The following ITGB1BP1 variants were observed in gnomAD, a reference collection of about 807,000 sequenced individuals.
The protein encoded by ITGB1BP1 is integrin beta-1-binding protein 1.
Under a neutral mutation model 28.0 loss-of-function variants are expected in ITGB1BP1, and 20 were observed. That is an observed-to-expected ratio of 0.71 (90% CI 0.50 to 1.04). The LOEUF (loss-of-function observed/expected upper bound fraction) is 1.04. Among genes scored for constraint, ITGB1BP1 ranks in the 50% least tolerant of loss-of-function variants. The pLI, the probability that ITGB1BP1 is intolerant of heterozygous loss-of-function variation, is 0.00. For synonymous variants in ITGB1BP1, 103 were observed against 89.5 expected (o/e 1.15, Z -0.85); for missense variants, 228 against 242.5 (o/e 0.94, Z 0.40).
intron 1 of ITGB1BP1, chr2:9,422,911 G>A (rs1680072742): frequency 2.0e-6 from 2 of 985,942 alleles, no homozygotes; most frequent in South Asian, 9.3e-5. Flanking sequence ...GCCAAGCTCG[G>A]GGCCTAGGGA....
chr2:9,421,071 G>A (rs1474901887), intron 1 of ITGB1BP1, among the ~76,000 whole-genome samples: 2 of 152,076 alleles, frequency 1.3e-5, no homozygotes, highest in African/African-American at 4.8e-5. Context: ...TGGCGCTCAC[G>A]GGTTAAAATG....
At chr2:9,420,539 G>A (rs770107974) in intron 1 of ITGB1BP1, among the ~76,000 whole-genome samples, 7 of 152,302 alleles carry the variant, frequency 4.6e-5, no homozygotes, top group African/African-American at 9.6e-5. Flanking sequence ...TGGAAGGAAG[G>A]GGTGGGTATT....
At chr2:9,407,904 G>A (rs1225495884) in intron 5 of ITGB1BP1, 3 of 566,992 alleles carry the variant, frequency 5.3e-6, no homozygotes, top group South Asian at 4.7e-5. Context: ...GGGTGGGGGG[G>A]GCAGGTTGCA....
intron 1 of ITGB1BP1, chr2:9,420,072 G>C: frequency 2.0e-6 from 2 of 983,668 alleles, no homozygotes; most frequent in Non-Finnish European, 2.4e-6. Flanking sequence ...ATTCTGACCT[G>C]GGTGATGCTT....
rs939750358 is a variant in ITGB1BP1 at position 9,405,520 on chromosome 2, T to C, written c.*1314A>G. 6.6e-6 allele frequency: 1 copy of C among 152,640 alleles called. No homozygotes were observed. The highest frequency in any genetic ancestry group is 1.5e-5 in the Non-Finnish European group (1 of 68,044). The allele number at this position is 152,640 out of a possible 1,614,324, so 9.5% of individuals were successfully genotyped here. On this transcript the variant is annotated 3_prime_UTR_variant, in exon 7 of 7. Coordinates refer to ENST00000355346, the MANE Select transcript of ITGB1BP1 (RefSeq NM_004763.5). Reference sequence around the variant, plus strand: ...TATGATATTCAGTTCATTCACCTGATTACTTTGGTTGCAGCACAACTGTAT... The same window carrying C: ...TATGATATTCAGTTCATTCACCTGACTACTTTGGTTGCAGCACAACTGTAT...
chr2:9,423,262 C>A lies in ITGB1BP1; in HGVS notation c.-36+111G>T, dbSNP rs1680130269. ...CGAGCCCAGGCATCCCTCCTCCGCC[C>A]GCCCCGCGGCCCCACCCATCCTTCC... On this transcript the variant is annotated intron_variant, in intron 1 of 6. Transcript: ENST00000355346. 1.1e-5 allele frequency: 13 copies of A among 1,171,552 alleles called. No homozygotes were observed. The South Asian group carries it at 1.4e-4, about 12-fold the overall frequency. 72.6% of individuals were successfully genotyped at this position (1,171,552 alleles called of 1,614,324 possible).
At position 9,418,629 on chromosome 2, in the gene ITGB1BP1, G is replaced by T; in HGVS notation, c.69C>A (p.Ser23Arg). The change falls in exon 2 of 7, where the codon AGC becomes AGA. Residue 23 changes from serine to arginine, a missense_variant. This residue lies in a region of ITGB1BP1 where 36 missense variants were observed against 61.0 expected (regional missense o/e 0.59). Coordinates refer to ENST00000355346, the MANE Select transcript of ITGB1BP1 (RefSeq NM_004763.5). Reference protein sequence around the residue: ...SSQSSEISTKSKSVDSSLGGL... With the variant: ...SSQSSEISTKRKSVDSSLGGL... ...GTTCCAAATTCCATTTCCCTACCTT[G>T]CTCTTAGTACTGATTTCGCTACTTT... is the stretch of plus-strand genomic sequence containing the variant. The T allele has an allele frequency of 6.2e-7, 1 of 1,602,630 alleles. No individual in the cohort carries two copies. The highest frequency in any genetic ancestry group is 8.5e-7 in the Non-Finnish European group (1 of 1,169,638).
rs1444652177 is a variant in ITGB1BP1, at chr2:9,423,354, A to G, written c.-36+19T>C. The G allele has an allele frequency of 1.8e-5, 21 of 1,197,136 alleles. No homozygotes were observed. Among genetic ancestry groups the G allele is most frequent in the Middle Eastern group, 3.5e-4 (1 of 2,820 alleles). 74.2% of individuals were successfully genotyped at this position (1,197,136 alleles called of 1,614,324 possible). On this transcript the variant is annotated intron_variant, in intron 1 of 6. Coordinates refer to ENST00000355346, the MANE Select transcript of ITGB1BP1 (RefSeq NM_004763.5). ...CTCCGCGAGCTCGGCCCCAAGCGGG[A>G]CGAGGGCTGGGCGCTCACCTCGCAG...
At chr2:9,414,389 T>C (rs1327537489) in intron 2 of ITGB1BP1, 133 bp from the exon 3 acceptor site, 1 of 614,038 alleles carries the variant, frequency 1.6e-6, no homozygotes, top group African/African-American at 1.8e-5. Context: ...TTCAGGCATA[T>C]CGACTGTGCA....
chr2:9,423,205 C>T lies in ITGB1BP1; in HGVS notation c.-36+168G>A, dbSNP rs570253925. 5.0e-3 allele frequency: 5,401 copies of T among 1,079,930 alleles called. 14 individuals carry two copies. Among genetic ancestry groups the T allele is most frequent in the Middle Eastern group, 8.3e-3 (18 of 2,172 alleles). The allele number at this position is 1,079,930 out of a possible 1,614,324, so 66.9% of individuals were successfully genotyped here. On this transcript the variant is annotated intron_variant, in intron 1 of 6. Coordinates refer to ENST00000355346, the MANE Select transcript of ITGB1BP1 (RefSeq NM_004763.5). ...TGGTTCCAAGCTCCTCCACCCGCGC[C>T]CCGGGAGCGCGGCCCCGCCCGGAAC...
In ITGB1BP1 at chr2:9,407,541, C is replaced by G. The variant is rs531717039; in HGVS notation, c.439G>C (p.Gly147Arg). The G allele has an allele frequency of 2.5e-6, 4 of 1,614,124 alleles. No homozygotes were observed. The highest frequency in any genetic ancestry group is 2.5e-6 in the Non-Finnish European group (3 of 1,180,022). The change falls in exon 6 of 7, where the codon GGT (glycine) becomes CGT (arginine). Residue 147 changes from glycine (G) to arginine (R), a missense_variant. Physicochemically the swap from Gly to Arg is moderately radical, Grantham distance 125 (BLOSUM62 -2). Around this residue, in one of 2 missense-constraint regions of ITGB1BP1, gnomAD observed 192 missense variants for 181.6 expected, o/e 1.06. Transcript: ENST00000355346. The part of the protein sequence containing the change: ...LIIRMVCYDD[G>R]LGAGKSLLAL... ...AGTAAGCTTTTTCCCGCCCCCAGAC[C>G]GTCATCGTAACACACCATCCGGATT...
At chr2:9,412,446 T>G in intron 3 of ITGB1BP1, 41 bp from the exon 4 acceptor site, 2 of 1,547,824 alleles carry the variant, frequency 1.3e-6, no homozygotes, top group Non-Finnish European at 1.8e-6. Context: ...AGAAGAAATA[T>G]CTGCATTACA....
chr2:9,407,869 C>T, intron 5 of ITGB1BP1: 1 of 561,120 alleles, frequency 1.8e-6, no homozygotes, highest in Non-Finnish European at 3.1e-6. Context: ...GTTGAAAATG[C>T]ATTCGGAGCC....
In ITGB1BP1 at chr2:9,405,716, T is replaced by C. The variant is rs1677181154; in HGVS notation, c.*1118A>G. ...TTTAATGTTTTTAATCTTTAAAGTT[T>C]TGTATATTGACAGTCCTTTAAAAAA... On this transcript the variant is annotated 3_prime_UTR_variant, in exon 7 of 7. Transcript: ENST00000355346. The C allele has an allele frequency of 6.6e-6, 1 of 152,318 alleles. No individual in the cohort carries two copies. Among genetic ancestry groups the C allele is most frequent in the Non-Finnish European group, 1.5e-5 (1 of 68,046 alleles). The allele number at this position is 152,318 out of a possible 1,614,324, so 9.4% of individuals were successfully genotyped here.
chr2:9,411,908 G>A (rs949591202), intron 4 of ITGB1BP1, among the ~76,000 whole-genome samples: 2 of 149,328 alleles, frequency 1.3e-5, no homozygotes, highest in Non-Finnish European at 3.0e-5. Flanking sequence ...CGGGCATGGT[G>A]GCGGGCGCCT....
In ITGB1BP1 at chr2:9,412,358, A is replaced by G; in HGVS notation, c.199T>C (p.Tyr67His). The G allele has an allele frequency of 2.5e-6, 4 of 1,612,468 alleles. No individual in the cohort carries two copies. The highest frequency in any genetic ancestry group is 3.4e-6 in the Non-Finnish European group (4 of 1,179,158). Residue 67 changes from tyrosine to histidine, a missense_variant, in exon 4 of 7, where the codon TAT becomes CAT. Tyr to His is a moderately conservative substitution (Grantham distance 83, BLOSUM62 2). Transcript: ENST00000355346. Reference sequence around the variant, plus strand: ...TTCAGTTTCTCAATGGCACCAACATATTTTATTCGAAATTCTGCACAGGTA... The same window carrying G: ...TTCAGTTTCTCAATGGCACCAACATGTTTTATTCGAAATTCTGCACAGGTA... ...SDTCAEFRIK[Y>H]VGAIEKLKLS...
intron 4 of ITGB1BP1, 106 bp downstream of exon 4, chr2:9,412,163 C>T (rs557993964): frequency 5.0e-5 from 46 of 924,096 alleles, no homozygotes; most frequent in South Asian, 3.1e-4. Context: ...CGAGAGCAAG[C>T]GGAGCGGCAC....
chr2:9,423,207 CG>C (rs1680119241), intron 1 of ITGB1BP1, 165 bp downstream of exon 1: 44 of 1,079,752 alleles, frequency 4.1e-5, no homozygotes, highest in Non-Finnish European at 5.0e-5. Context: ...ACCCGCGCCC[CG>C]GGAGCGCGGC....
rs1182612070 is a variant in ITGB1BP1 at position 9,405,466 on chromosome 2, T to C, written c.*1368A>G. On this transcript the variant is annotated 3_prime_UTR_variant, in exon 7 of 7. Transcript: ENST00000355346. ...ATCTGTTAAGGGGTGGATAACATAA[T>C]ATGCAGCTTAGGATGCTATTTTGAG... is the stretch of plus-strand genomic sequence containing the variant. 6.6e-6 allele frequency: 1 copy of C among 152,646 alleles called. No homozygotes were observed. Among genetic ancestry groups the C allele is most frequent in the Non-Finnish European group, 1.5e-5 (1 of 68,040 alleles). 9.5% of individuals were successfully genotyped at this position (152,646 alleles called of 1,614,324 possible).
Sources: gnomAD v4.1 joint callset for allele counts (sites outside exome capture counted in the v4.1 genomes callset) on GRCh38, gnomAD v4.1.1 for gene constraint, gnomAD v4.1.1 regional missense constraint, MANE v1.5 for transcripts, NCBI Gene and HGNC (gene_info 2026-07-23, HGNC 2026-07-21) for gene names.